Variants in ADAMTS18 observed in about 807,000 individuals in gnomAD.
ADAMTS18 encodes the protein A disintegrin and metalloproteinase with thrombospondin motifs 18.
ADAMTS18 carries 157 observed loss-of-function variants against 165.9 expected under a neutral mutation model. The observed-to-expected ratio is 0.95, with a 90% CI of 0.83 to 1.08. The LOEUF is 1.08. ADAMTS18 is among the 50% of genes least tolerant of loss of function. The pLI, the probability that ADAMTS18 is intolerant of heterozygous loss-of-function variation, is 0.00. For missense variants in ADAMTS18, 2,040 were observed against 1,534.0 expected, an observed-to-expected ratio of 1.33 and a Z score of -5.51; for synonymous variants, 782 against 578.2, an observed-to-expected ratio of 1.35 and a Z score of -5.06.
At chr16:77,323,920 G>T (rs1210925246) in intron 13 of ADAMTS18, among the ~76,000 whole-genome samples, 1 of 152,190 alleles carries the variant, frequency 6.6e-6, no homozygotes, top group Admixed American at 6.5e-5. Flanking sequence ...TCTGTTGCAT[G>T]CATGAATGAA....
At chr16:77,295,444 C>G (rs1486740166) in intron 18 of ADAMTS18, among the ~76,000 whole-genome samples, 1 of 152,180 alleles carries the variant, frequency 6.6e-6, no homozygotes, top group South Asian at 2.1e-4. Flanking sequence ...GTCAGGGACT[C>G]TCCTAAGCAT....
At chr16:77,321,661 A>G (rs548937291) in intron 14 of ADAMTS18, among the ~76,000 whole-genome samples, 2 of 152,222 alleles carry the variant, frequency 1.3e-5, no homozygotes, top group Non-Finnish European at 1.5e-5. Context: ...TTCAAAATAC[A>G]TTTGTGAGAT....
At chr16:77,393,089 G>C (rs576629618) in intron 3 of ADAMTS18, among the ~76,000 whole-genome samples, 1 of 152,142 alleles carries the variant, frequency 6.6e-6, no homozygotes, top group Non-Finnish European at 1.5e-5. Context: ...TTGATGAATC[G>C]TATTTAAAGC....
chr16:77,397,796 C>T (rs1403294052), intron 3 of ADAMTS18, among the ~76,000 whole-genome samples: 1 of 152,170 alleles, frequency 6.6e-6, no homozygotes, highest in Admixed American at 6.5e-5. Context: ...CTGGAAAACT[C>T]AAAGCAGGCA....
intron 16 of ADAMTS18, among the ~76,000 whole-genome samples, chr16:77,317,517 A>T (rs1482675362): frequency 6.6e-6 from 1 of 152,194 alleles, no homozygotes; most frequent in Non-Finnish European, 1.5e-5. Context: ...TATTTTTAGT[A>T]GAGATGGGGT....
At chr16:77,328,305 C>T (rs1338788446) in intron 12 of ADAMTS18, among the ~76,000 whole-genome samples, 1 of 152,036 alleles carries the variant, frequency 6.6e-6, no homozygotes, top group African/African-American at 2.4e-5. Flanking sequence ...CTCTGAAGGC[C>T]AAAACTCAAC....
In ADAMTS18 at chr16:77,319,841, G is replaced by C. The variant is rs759862411; in HGVS notation, c.2532+8C>G. On this transcript the variant is annotated splice_region_variant and intron_variant, in intron 16 of 22. Transcript: ENST00000282849. Reference sequence around the variant, plus strand: ...GCACTGAGAACTGAATACACAGAAGGGGCTTACTTCAAAGACCAGCGTCTC... The same window carrying C: ...GCACTGAGAACTGAATACACAGAAGCGGCTTACTTCAAAGACCAGCGTCTC... 1.2e-6 allele frequency: 2 copies of C among 1,614,030 alleles called. No homozygotes were observed. Among genetic ancestry groups the C allele is most frequent in the Non-Finnish European group, 1.7e-6 (2 of 1,179,982 alleles).
intron 8 of ADAMTS18, 97 bp from the exon 9 acceptor site, chr16:77,356,174 AC>A: frequency 6.7e-7 from 1 of 1,492,962 alleles, no homozygotes. Flanking sequence ...CATCAACAAA[AC>A]CAAGTGAGAG....
At chr16:77,288,171 G>A (rs2055291793) in intron 22 of ADAMTS18, among the ~76,000 whole-genome samples, 1 of 152,260 alleles carries the variant, frequency 6.6e-6, no homozygotes, top group South Asian at 2.1e-4. Context: ...ATACGTGCAT[G>A]TTGACTTTCC....
At chr16:77,362,329 C>A in intron 6 of ADAMTS18, 65 bp from the exon 7 acceptor site, 1 of 1,559,622 alleles carries the variant, frequency 6.4e-7, no homozygotes, top group Non-Finnish European at 8.8e-7. Flanking sequence ...TGAATCATTC[C>A]ATTTGTACAG....
intron 10 of ADAMTS18, among the ~76,000 whole-genome samples, chr16:77,345,754 C>A (rs2056466317): frequency 6.6e-6 from 1 of 152,168 alleles, no homozygotes; most frequent in Non-Finnish European, 1.5e-5. Flanking sequence ...TATTGGATAA[C>A]AGAGAACATT....
rs139415244 is a variant in ADAMTS18, at chr16:77,291,630, T to C, written c.3190-152A>G. 68 of 850,158 alleles carry C rather than the reference T, an allele frequency of 8.0e-5. No individual in the cohort carries two copies. The African/African-American group carries it at 1.1e-3, about 13-fold the overall frequency. 52.7% of individuals were successfully genotyped at this position (850,158 alleles called of 1,614,324 possible). ...CACACTCACTCGAGGATCTTACAGA[T>C]ACAGCAGCCAAGTACCTCATGCTAT... On this transcript the variant is annotated intron_variant, in intron 20 of 22. Coordinates refer to ENST00000282849, the MANE Select transcript of ADAMTS18 (RefSeq NM_199355.4).
chr16:77,295,307 T>C (rs945801762), intron 18 of ADAMTS18, among the ~76,000 whole-genome samples, 180 bp from the exon 19 acceptor site: 4 of 152,214 alleles, frequency 2.6e-5, no homozygotes, highest in Non-Finnish European at 5.9e-5. Context: ...GATTGAGATA[T>C]AAATAATCAC....
At chr16:77,292,404 A>G (rs902321971) in intron 20 of ADAMTS18, among the ~76,000 whole-genome samples, 4 of 152,184 alleles carry the variant, frequency 2.6e-5, no homozygotes, top group African/African-American at 9.7e-5. Flanking sequence ...CTAAATGTGC[A>G]GTCCCCTGTC....
chr16:77,399,894 G>C (rs1387287559), intron 3 of ADAMTS18, among the ~76,000 whole-genome samples: 1 of 152,156 alleles, frequency 6.6e-6, no homozygotes, highest in Non-Finnish European at 1.5e-5. Context: ...ACTAATTACA[G>C]ATAGCTTTGT....
intron 3 of ADAMTS18, among the ~76,000 whole-genome samples, chr16:77,390,712 AG>A (rs1330789136): frequency 2.0e-5 from 3 of 151,654 alleles, no homozygotes; most frequent in Non-Finnish European, 2.9e-5. Context: ...AAAAAAAAAA[AG>A]AAGAATCACC....
intron 3 of ADAMTS18, among the ~76,000 whole-genome samples, chr16:77,407,537 C>T (rs1037854936): frequency 2.0e-5 from 3 of 152,032 alleles, no homozygotes; most frequent in Admixed American, 6.6e-5. Context: ...CTCCTAAATA[C>T]GTGTAAGACA....
At chr16:77,366,369 C>T (rs1452244232) in intron 4 of ADAMTS18, among the ~76,000 whole-genome samples, 2 of 152,152 alleles carry the variant, frequency 1.3e-5, no homozygotes, top group East Asian at 1.9e-4. Context: ...ACCAGCCTGG[C>T]CAACACAGGG....
At chr16:77,314,526 C>T (rs2055844249) in intron 16 of ADAMTS18, among the ~76,000 whole-genome samples, 1 of 150,118 alleles carries the variant, frequency 6.7e-6, no homozygotes, top group African/African-American at 2.5e-5. Flanking sequence ...GCAGAAGAAT[C>T]GCTTGGACCC....
Sources: allele counts gnomAD v4.1 joint callset (sites outside exome capture counted in the v4.1 genomes callset), GRCh38; gene constraint gnomAD v4.1.1; transcripts MANE v1.5; gene names NCBI Gene and HGNC (gene_info 2026-07-23, HGNC 2026-07-21).